KHDRBS2: variants seen among roughly 807,000 people sequenced by gnomAD.
KHDRBS2 encodes the protein KH RNA binding domain containing, signal transduction associated 2.
Under a neutral mutation model 44.3 loss-of-function variants are expected in KHDRBS2, and 26 were observed. That is an observed-to-expected ratio of 0.59 (90% CI 0.43 to 0.81). KHDRBS2 has a LOEUF of 0.81. KHDRBS2 is among the 40% of genes least tolerant of loss of function. KHDRBS2 has a pLI of 0.00. For missense variants in KHDRBS2, 476 were observed against 433.1 expected (o/e 1.10, Z -0.88); for synonymous variants, 194 against 151.1 (o/e 1.28, Z -2.08).
intron 2 of KHDRBS2, among the ~76,000 whole-genome samples, chr6:62,112,500 T>A (rs1241428984): frequency 6.6e-6 from 1 of 152,058 alleles, no homozygotes; most frequent in African/African-American, 2.4e-5. Context: ...ATAGGGCATC[T>A]CCACTAGGAT....
intron 3 of KHDRBS2, among the ~76,000 whole-genome samples, chr6:61,984,228 A>G (rs1038540195): frequency 6.6e-6 from 1 of 152,210 alleles, no homozygotes; most frequent in Non-Finnish European, 1.5e-5. Flanking sequence ...GGGCTATACT[A>G]TGAAGTTAAA....
At chr6:62,154,997 A>G (rs1345889546) in intron 2 of KHDRBS2, among the ~76,000 whole-genome samples, 2 of 152,196 alleles carry the variant, frequency 1.3e-5, no homozygotes, top group Admixed American at 1.3e-4. Context: ...AATCCTCACT[A>G]AGACTTTTGT....
intron 8 of KHDRBS2, among the ~76,000 whole-genome samples, chr6:61,685,392 C>A (rs1184658895): frequency 6.6e-6 from 1 of 151,696 alleles, no homozygotes; most frequent in Non-Finnish European, 1.5e-5. Context: ...TTGTAAGCTG[C>A]ATATAAATAA....
At chr6:62,159,420 G>A (rs1250028550) in intron 2 of KHDRBS2, among the ~76,000 whole-genome samples, 2 of 152,100 alleles carry the variant, frequency 1.3e-5, no homozygotes, top group Non-Finnish European at 2.9e-5. Flanking sequence ...TACTCATGAT[G>A]TCACTGCTGC....
At chr6:62,059,868 T>A (rs1398734019) in intron 2 of KHDRBS2, among the ~76,000 whole-genome samples, 1 of 151,736 alleles carries the variant, frequency 6.6e-6, no homozygotes, top group African/African-American at 2.4e-5. Context: ...TCTGGAAGAA[T>A]ACAAAATTTA....
chr6:62,026,442 T>TA (rs1562670407), intron 3 of KHDRBS2, among the ~76,000 whole-genome samples: 148 of 98,028 alleles, frequency 1.5e-3, no homozygotes, highest in South Asian at 3.5e-3. Context: ...ATTATTATTT[T>TA]TTTTTTTGGA....
chr6:62,152,361 G>A (rs1376354001), intron 2 of KHDRBS2, among the ~76,000 whole-genome samples: 2 of 152,032 alleles, frequency 1.3e-5, no homozygotes, highest in Non-Finnish European at 2.9e-5. Context: ...TTACCACATG[G>A]GGTTTGTGTA....
the KHDRBS2 span, among the ~76,000 whole-genome samples, chr6:61,571,800 C>T: frequency 2.6e-5 from 4 of 152,132 alleles, no homozygotes; most frequent in African/African-American, 7.2e-5. Flanking sequence ...CTCTGGGAGA[C>T]AGCATACATT....
At chr6:62,197,948 C>G (rs1191596874) in intron 1 of KHDRBS2, among the ~76,000 whole-genome samples, 1 of 152,132 alleles carries the variant, frequency 6.6e-6, no homozygotes, top group Admixed American at 6.6e-5. Flanking sequence ...CCAAACCACT[C>G]AATTACATGG....
At chr6:61,863,259 GTT>G (rs61624926) in intron 6 of KHDRBS2, among the ~76,000 whole-genome samples, 11 of 134,598 alleles carry the variant, frequency 8.2e-5, no homozygotes, top group African/African-American at 2.4e-4. Flanking sequence ...TTTTGAAGGG[GTT>G]TTTTTTTTTT....
At chr6:62,102,735 C>G (rs1802189834) in intron 2 of KHDRBS2, among the ~76,000 whole-genome samples, 1 of 152,120 alleles carries the variant, frequency 6.6e-6, no homozygotes. Context: ...GCTTGGGAAA[C>G]CCCAAGATAT....
the KHDRBS2 span, among the ~76,000 whole-genome samples, chr6:61,622,950 G>A: frequency 6.6e-6 from 1 of 152,130 alleles, no homozygotes; most frequent in Non-Finnish European, 1.5e-5. Context: ...CCAATTTGGA[G>A]GTGTTTGATT....
At chr6:61,631,129 T>C in the KHDRBS2 span, among the ~76,000 whole-genome samples, 1 of 152,012 alleles carries the variant, frequency 6.6e-6, no homozygotes, top group Non-Finnish European at 1.5e-5. Context: ...ACTAAGTTTT[T>C]GGCATCAGGA....
chr6:61,555,559 T>C, the KHDRBS2 span, among the ~76,000 whole-genome samples: 1 of 152,208 alleles, frequency 6.6e-6, no homozygotes, highest in Non-Finnish European at 1.5e-5. Flanking sequence ...ACTTGTGTGG[T>C]CATTTAGAGG....
chr6:61,954,816 G>A (rs1765925534), intron 4 of KHDRBS2, among the ~76,000 whole-genome samples: 1 of 98,620 alleles, frequency 1.0e-5, no homozygotes, highest in Non-Finnish European at 2.0e-5. Context: ...ACATACGCAT[G>A]TGTATATACA....
At chr6:61,628,285 C>T in the KHDRBS2 span, among the ~76,000 whole-genome samples, 4 of 120,352 alleles carry the variant, frequency 3.3e-5, no homozygotes, top group African/African-American at 6.3e-5. Flanking sequence ...CTTATCTTCA[C>T]GGTAATCTAT....
At chr6:61,992,861 A>G (rs1029705909) in intron 3 of KHDRBS2, among the ~76,000 whole-genome samples, 2 of 152,038 alleles carry the variant, frequency 1.3e-5, no homozygotes, top group Non-Finnish European at 2.9e-5. Context: ...TTCCCTTTCT[A>G]TCCTTTATTT....
intron 6 of KHDRBS2, among the ~76,000 whole-genome samples, chr6:61,865,589 G>C (rs1215196878): frequency 6.6e-6 from 1 of 152,000 alleles, no homozygotes; most frequent in Non-Finnish European, 1.5e-5. Context: ...ATGGCATCTG[G>C]GTGGGGACAC....
chr6:62,065,534 C>CA (rs1168002044), intron 2 of KHDRBS2, among the ~76,000 whole-genome samples: 3 of 147,582 alleles, frequency 2.0e-5, no homozygotes, highest in Non-Finnish European at 4.5e-5. Flanking sequence ...ATCGCAAGAA[C>CA]AAAAAACCAA....
Sources: allele counts gnomAD v4.1 joint callset (sites outside exome capture counted in the v4.1 genomes callset), GRCh38; gene constraint gnomAD v4.1.1; transcripts MANE v1.5; gene names NCBI Gene and HGNC (gene_info 2026-07-23, HGNC 2026-07-21).